MLIP: variants seen among roughly 807,000 people sequenced by gnomAD.
MLIP encodes the protein muscular LMNA interacting protein.
A neutral mutation model predicts 84.8 loss-of-function variants in MLIP; 79 were observed. That is an observed-to-expected ratio of 0.93 (90% CI 0.78 to 1.12). The LOEUF is 1.12. Ranked by LOEUF, MLIP falls within the 50% of genes most tolerant of loss-of-function variation. The pLI, the probability that MLIP is intolerant of heterozygous loss-of-function variation, is 0.00. For missense variants in MLIP, 1,257 were observed against 1,160.6 expected (o/e 1.08, Z -1.21); for synonymous variants, 504 against 463.0 (o/e 1.09, Z -1.14).
At chr6:54,208,039 A>C (rs1441076222) in intron 11 of MLIP, among the ~76,000 whole-genome samples, 1 of 147,252 alleles carries the variant, frequency 6.8e-6, no homozygotes, top group Non-Finnish European at 1.5e-5. Flanking sequence ...GAGGCGGGAG[A>C]ATGGCGTGAA....
rs1415551906 is a variant in MLIP, at chr6:54,046,881, G to T, written c.63+27790G>T. On this transcript the variant is annotated intron_variant, in intron 1 of 12. Coordinates refer to the MLIP transcript ENST00000274897. ...ATTTGGCACTCACTGAGGGAGAAAA[G>T]TAATAGCAAATGGCAGAAAGTTTGG... The T allele has an allele frequency of 4.6e-5, 7 of 152,276 alleles. No individual in the cohort carries two copies. The East Asian group carries it at 1.2e-3, about 25-fold the overall frequency. 9.4% of individuals were successfully genotyped at this position (152,276 alleles called of 1,614,324 possible). A position where few individuals can be genotyped will look rare whatever the true frequency, so the allele number is the denominator to read the frequency against.
At chr6:54,116,913 T>A (rs774003948) in intron 1 of MLIP, among the ~76,000 whole-genome samples, 3 of 152,252 alleles carry the variant, frequency 2.0e-5, no homozygotes, top group Non-Finnish European at 4.4e-5. Context: ...GTGGGATTTA[T>A]CTCAGGGAGG....
chr6:54,230,286 T>G (rs1275278531), intron 11 of MLIP, among the ~76,000 whole-genome samples: 7 of 152,164 alleles, frequency 4.6e-5, no homozygotes, highest in Non-Finnish European at 8.8e-5. Context: ...CACAATGCCC[T>G]CCCCTTGACT....
At chr6:54,087,143 G>A (rs1767548265) in intron 1 of MLIP, among the ~76,000 whole-genome samples, 1 of 152,130 alleles carries the variant, frequency 6.6e-6, no homozygotes. Context: ...CAAACGATGA[G>A]TAAATGAATA....
chr6:54,075,943 T>A (rs575948661), intron 1 of MLIP, among the ~76,000 whole-genome samples: 1 of 152,374 alleles, frequency 6.6e-6, no homozygotes, highest in African/African-American at 2.4e-5. Flanking sequence ...TGAATATGTA[T>A]GTTTCATCAT....
intron 5 of MLIP, among the ~76,000 whole-genome samples, chr6:54,158,219 T>G (rs959701225): frequency 6.6e-6 from 1 of 152,078 alleles, no homozygotes; most frequent in African/African-American, 2.4e-5. Context: ...TCTGTCAGGA[T>G]ATGTCTACCT....
intron 1 of MLIP, among the ~76,000 whole-genome samples, chr6:54,042,914 T>C (rs1764828686): frequency 6.6e-6 from 1 of 152,136 alleles, no homozygotes; most frequent in Non-Finnish European, 1.5e-5. Flanking sequence ...TTTGCTGACA[T>C]GGGAGGTAGG....
intron 1 of MLIP, among the ~76,000 whole-genome samples, chr6:54,100,651 T>G (rs148985168): frequency 1.7e-3 from 255 of 152,236 alleles, no homozygotes; most frequent in Non-Finnish European, 3.1e-3. Context: ...ACTATTCCTT[T>G]ATACTTGACA....
At chr6:54,039,277 T>C (rs1003278307) in intron 1 of MLIP, among the ~76,000 whole-genome samples, 7 of 151,992 alleles carry the variant, frequency 4.6e-5, no homozygotes, top group African/African-American at 1.4e-4. Context: ...TGACATTTTA[T>C]GAACTTTAAA....
chr6:54,248,795 A>G (rs774885001), intron 12 of MLIP, among the ~76,000 whole-genome samples: 4 of 152,162 alleles, frequency 2.6e-5, no homozygotes, highest in Non-Finnish European at 5.9e-5. Context: ...TAGTATTCTT[A>G]GAATTGAGAC....
intron 10 of MLIP, 32 bp downstream of exon 10, chr6:54,189,946 A>C: frequency 6.7e-7 from 1 of 1,488,382 alleles, no homozygotes; most frequent in Non-Finnish European, 9.4e-7. Context: ...GATCTACTGC[A>C]AATTCTGATC....
At chr6:54,239,367 A>G (rs537961747) in intron 12 of MLIP, among the ~76,000 whole-genome samples, 1 of 145,292 alleles carries the variant, frequency 6.9e-6, no homozygotes, top group Non-Finnish European at 1.5e-5. Context: ...ATATATATAT[A>G]ATATATATAT....
intron 1 of MLIP, among the ~76,000 whole-genome samples, chr6:54,074,123 C>T (rs898221652): frequency 1.6e-4 from 24 of 152,284 alleles, no homozygotes; most frequent in African/African-American, 4.1e-4. Context: ...ATATCTACCA[C>T]GTTCATTATC....
At chr6:54,119,693 A>T (rs889772427) in intron 1 of MLIP, among the ~76,000 whole-genome samples, 2 of 152,246 alleles carry the variant, frequency 1.3e-5, no homozygotes, top group African/African-American at 4.8e-5. Context: ...ATAGATGTTA[A>T]GTGTTCTCAC....
intron 10 of MLIP, 135 bp downstream of exon 10, chr6:54,190,049 G>T: frequency 1.4e-5 from 9 of 635,342 alleles, no homozygotes; most frequent in Non-Finnish European, 2.3e-5. Flanking sequence ...ACATTTTACT[G>T]ATATTTTCCA....
At chr6:54,073,510 T>C (rs1766610051) in intron 1 of MLIP, among the ~76,000 whole-genome samples, 1 of 152,174 alleles carries the variant, frequency 6.6e-6, no homozygotes, top group Admixed American at 6.5e-5. Context: ...TGTACTTTCA[T>C]CAATTTTTGT....
intron 3 of MLIP, among the ~76,000 whole-genome samples, chr6:54,126,883 T>C (rs1443849047): frequency 6.6e-6 from 1 of 152,164 alleles, no homozygotes; most frequent in Non-Finnish European, 1.5e-5. Flanking sequence ...GGTTAGTCAT[T>C]GATAAGCTAT....
chr6:54,131,997 C>A (rs1397568412), intron 3 of MLIP, among the ~76,000 whole-genome samples: 1 of 152,110 alleles, frequency 6.6e-6, no homozygotes, highest in African/African-American at 2.4e-5. Flanking sequence ...GGTCTTGTAT[C>A]TTCCAGTAAA....
chr6:54,148,178 C>A, intron 4 of MLIP, among the ~76,000 whole-genome samples: 1 of 152,140 alleles, frequency 6.6e-6, no homozygotes, highest in East Asian at 1.9e-4. Flanking sequence ...CTCACTGGTA[C>A]TGGCCACTGG....
Sources: allele counts gnomAD v4.1 joint callset (sites outside exome capture counted in the v4.1 genomes callset), GRCh38; gene constraint gnomAD v4.1.1; transcripts MANE v1.5; gene names NCBI Gene and HGNC (gene_info 2026-07-23, HGNC 2026-07-21).